The following ME1 variants were observed in gnomAD, a reference collection of about 807,000 sequenced individuals.
The protein encoded by ME1 is NADP-dependent malic enzyme.
A neutral mutation model predicts 66.4 loss-of-function variants in ME1; 74 were observed. The observed-to-expected ratio is 1.11, with a 90% confidence interval of 0.92 to 1.35. ME1 has a LOEUF of 1.35. ME1 is among the 40% of genes most tolerant of loss of function. The pLI, the probability that ME1 is intolerant of heterozygous loss-of-function variation, is 0.00. For missense variants in ME1, 750 were observed against 694.1 expected (o/e 1.08, Z -0.90); for synonymous variants, 251 against 235.6 (o/e 1.07, Z -0.60).
intron 3 of ME1, among the ~76,000 whole-genome samples, chr6:83,370,327 C>G (rs1405256081): frequency 6.6e-6 from 1 of 152,108 alleles, no homozygotes; most frequent in Non-Finnish European, 1.5e-5. Context: ...ACTTTACTTA[C>G]ACTGTGTTCA....
chr6:83,253,382 C>G (rs2128528200), intron 7 of ME1, among the ~76,000 whole-genome samples: 1 of 152,056 alleles, frequency 6.6e-6, no homozygotes, highest in East Asian at 1.9e-4. Context: ...GCCATAATCA[C>G]CAGGGATTTT....
chr6:83,265,182 AC>A (rs1327911585), intron 6 of ME1, among the ~76,000 whole-genome samples: 1 of 152,270 alleles, frequency 6.6e-6, no homozygotes, highest in Non-Finnish European at 1.5e-5. Flanking sequence ...ATGATCATTA[AC>A]ATTCAATAGC....
At chr6:83,395,717 G>C (rs1010593265) in intron 3 of ME1, among the ~76,000 whole-genome samples, 4 of 151,532 alleles carry the variant, frequency 2.6e-5, no homozygotes, top group Non-Finnish European at 1.5e-5. Flanking sequence ...CTCGTGATCT[G>C]CCCGCCTCAG....
intron 13 of ME1, among the ~76,000 whole-genome samples, chr6:83,213,526 G>A (rs1252112770): frequency 1.3e-5 from 2 of 152,020 alleles, no homozygotes; most frequent in African/African-American, 4.8e-5. Context: ...CACCACACCC[G>A]GCTAATTTCT....
chr6:83,393,103 G>A lies in ME1; in HGVS notation c.362+5264C>T, dbSNP rs1046560487. 115 of 1,450,146 alleles carry A rather than the reference G, an allele frequency of 7.9e-5. 1 individual carries two copies. Among genetic ancestry groups the A allele is most frequent in the East Asian group, 4.6e-4 (20 of 43,196 alleles). 89.8% of individuals were successfully genotyped at this position (1,450,146 alleles called of 1,614,324 possible). On this transcript the variant is annotated intron_variant, in intron 3 of 13. Coordinates refer to ENST00000369705, the MANE Select transcript of ME1 (RefSeq NM_002395.6). ...GGGAAGCTCACTGGCATGGCCTTCCGTGTCCCCACTGCCAACATGTCAGTG... is the reference window on the plus strand; with the variant it reads ...GGGAAGCTCACTGGCATGGCCTTCCATGTCCCCACTGCCAACATGTCAGTG...
At chr6:83,213,916 AAT>A (rs1789945743) in intron 13 of ME1, among the ~76,000 whole-genome samples, 2 of 152,210 alleles carry the variant, frequency 1.3e-5, no homozygotes, top group African/African-American at 4.8e-5. Context: ...CAGGAAAAAA[AAT>A]AATACTTATA....
intron 3 of ME1, among the ~76,000 whole-genome samples, chr6:83,357,902 C>CCACTCTCT (rs1554270311): frequency 3.2e-5 from 1 of 31,562 alleles, no homozygotes; most frequent in African/African-American, 1.4e-4. Flanking sequence ...AATAAACTCC[C>CCACTCTCT]CTCTCTCTCT....
intron 2 of ME1, among the ~76,000 whole-genome samples, chr6:83,404,223 T>C (rs1031658226): frequency 4.6e-5 from 7 of 152,166 alleles, no homozygotes; most frequent in African/African-American, 9.7e-5. Context: ...TGGTATTTCA[T>C]TGCGGTTTTG....
At chr6:83,384,034 T>C (rs1769456221) in intron 3 of ME1, among the ~76,000 whole-genome samples, 2 of 151,894 alleles carry the variant, frequency 1.3e-5, no homozygotes, top group African/African-American at 4.8e-5. Context: ...TAGTATTCTA[T>C]GTGTATACGC....
intron 3 of ME1, among the ~76,000 whole-genome samples, chr6:83,366,063 T>C (rs543843956): frequency 1.3e-5 from 2 of 152,202 alleles, no homozygotes; most frequent in South Asian, 4.1e-4. Context: ...CTTGGACTCA[T>C]TTTCAAAGTC....
At chr6:83,366,548 G>T (rs1769104003) in intron 3 of ME1, among the ~76,000 whole-genome samples, 1 of 152,166 alleles carries the variant, frequency 6.6e-6, no homozygotes, top group African/African-American at 2.4e-5. Context: ...AGATAGTTCA[G>T]ATCAGACTGG....
chr6:83,253,582 T>C, intron 7 of ME1, 47 bp downstream of exon 7: 1 of 928,494 alleles, frequency 1.1e-6, no homozygotes, highest in Non-Finnish European at 1.8e-6. Context: ...AATTATGAAC[T>C]AATTTCAGAC....
At chr6:83,233,133 T>C (rs2128524686) in intron 9 of ME1, among the ~76,000 whole-genome samples, 1 of 152,222 alleles carries the variant, frequency 6.6e-6, no homozygotes, top group Middle Eastern at 3.4e-3. Context: ...CTTCTTATCC[T>C]CCTGAAAATG....
At chr6:83,407,924 C>A in intron 1 of ME1, 23 bp from the exon 2 acceptor site, 2 of 1,574,926 alleles carry the variant, frequency 1.3e-6, no homozygotes, top group Non-Finnish European at 1.7e-6. Context: ...AACACACACA[C>A]ACACACAACA....
chr6:83,215,444 A>G (rs1244787410), intron 13 of ME1, among the ~76,000 whole-genome samples: 1 of 152,216 alleles, frequency 6.6e-6, no homozygotes, highest in Admixed American at 6.5e-5. Context: ...AGAAACCCCA[A>G]TTTAAACATA....
At chr6:83,400,944 A>T (rs1045014505) in intron 2 of ME1, among the ~76,000 whole-genome samples, 6 of 152,084 alleles carry the variant, frequency 3.9e-5, no homozygotes, top group African/African-American at 1.4e-4. Context: ...AGATTTCTTC[A>T]TGGCTAACTG....
In ME1 at chr6:83,230,628, C is replaced by T. The variant is rs562523378; in HGVS notation, c.1027-1697G>A. Among the ~76,000 whole-genome samples, 9 of 152,172 alleles carry T rather than the reference C, an allele frequency of 5.9e-5. No homozygotes were observed. In the South Asian group the frequency reaches 1.9e-3, roughly 32 times the overall value. ...AGCACTTAAAGTTTTGGTATATTTT[C>T]TCCTATTAATAATCTGCTGTAGGCC... On this transcript the variant is annotated intron_variant, in intron 9 of 13. Coordinates refer to ENST00000369705, the MANE Select transcript of ME1 (RefSeq NM_002395.6).
At chr6:83,263,965 C>T (rs1246004524) in intron 6 of ME1, among the ~76,000 whole-genome samples, 1 of 152,112 alleles carries the variant, frequency 6.6e-6, no homozygotes, top group Admixed American at 6.5e-5. Context: ...GACAAAATAG[C>T]CTTCTGTAGA....
intron 6 of ME1, among the ~76,000 whole-genome samples, chr6:83,312,668 C>T (rs1767952809): frequency 6.6e-6 from 1 of 152,144 alleles, no homozygotes; most frequent in Non-Finnish European, 1.5e-5. Flanking sequence ...ACTAAGTTAT[C>T]CATGGCTATT....
Sources: allele counts gnomAD v4.1 joint callset (sites outside exome capture counted in the v4.1 genomes callset), GRCh38; gene constraint gnomAD v4.1.1; transcripts MANE v1.5; gene names NCBI Gene and HGNC (gene_info 2026-07-23, HGNC 2026-07-21).